C4orf50: variants seen among roughly 807,000 people sequenced by gnomAD.
The protein encoded by C4orf50 is chromosome 4 open reading frame 50, also known as uncharacterized protein C4orf50.
C4orf50 carries 80 observed loss-of-function variants against 77.2 expected under a neutral mutation model. That is an observed-to-expected ratio of 1.04 (90% CI 0.87 to 1.25). The LOEUF is 1.25. C4orf50 is among the 50% of genes most tolerant of loss of function. The pLI is 0.00. For missense variants in C4orf50, 1,257 were observed against 1,152.9 expected, an observed-to-expected ratio of 1.09 and a Z score of -1.31; for synonymous variants, 532 against 465.3, an observed-to-expected ratio of 1.14 and a Z score of -1.84.
At chr4:5,936,758 T>C (rs1275978858) in intron 7 of C4orf50, among the ~76,000 whole-genome samples, 22 of 151,910 alleles carry the variant, frequency 1.4e-4, no homozygotes, top group Admixed American at 1.4e-3. Flanking sequence ...AAGATACAAA[T>C]TCTCAGATTC....
intron 25 of C4orf50, among the ~76,000 whole-genome samples, chr4:6,002,730 G>A (rs1354877242): frequency 2.6e-5 from 4 of 152,174 alleles, no homozygotes; most frequent in Non-Finnish European, 4.4e-5. Flanking sequence ...CTTGGAGGGC[G>A]GCTCTCAGCT....
rs1224063942 is a variant in C4orf50, at chr4:6,017,251, C to T, written c.287+894G>A. Among the ~76,000 whole-genome samples the T allele has an allele frequency of 6.6e-6, 1 of 152,212 alleles. No homozygotes were observed. Among genetic ancestry groups the T allele is most frequent in the Non-Finnish European group, 1.5e-5 (1 of 68,032 alleles). ...GCCTGGATTAGCAACTGCCGGAAGCCACTTCTGCCCCTGGGGCTGGACAGC... is the reference window on the plus strand; with the variant it reads ...GCCTGGATTAGCAACTGCCGGAAGCTACTTCTGCCCCTGGGGCTGGACAGC... On this transcript the variant is annotated intron_variant, in intron 23 of 33. Transcript: ENST00000531445. This position sits in a 1 kb window ranked among gnomAD's most constrained non-coding sequence, Gnocchi z 4.7.
In C4orf50 at chr4:5,992,792, T is replaced by C; in HGVS notation, c.1221+11A>G. ...GCACTGCACACACACGCAGAAAGCC[T>C]CTGGCCTCACCTGTTCACGGTTGGA... On this transcript the variant is annotated intron_variant, in intron 27 of 33. Coordinates refer to ENST00000531445, the Ensembl canonical transcript of C4orf50. The surrounding 1 kb of genome is among the most constrained non-coding windows in gnomAD (Gnocchi z 5.0). The C allele has an allele frequency of 2.5e-6, 1 of 399,064 alleles. No homozygotes were observed. Among genetic ancestry groups the C allele is most frequent in the Non-Finnish European group, 4.4e-6 (1 of 226,138 alleles). 24.7% of individuals were successfully genotyped at this position (399,064 alleles called of 1,614,324 possible).
chr4:5,923,965 C>G (rs1002267880), intron 7 of C4orf50, among the ~76,000 whole-genome samples: 2 of 152,132 alleles, frequency 1.3e-5, no homozygotes, highest in African/African-American at 2.4e-5. Context: ...AGTCTTCCAG[C>G]CTTCATCTTT....
intron 7 of C4orf50, among the ~76,000 whole-genome samples, chr4:5,941,068 T>C (rs577296172): frequency 2.3e-4 from 35 of 152,312 alleles, no homozygotes; most frequent in African/African-American, 8.4e-4. Flanking sequence ...TATAAAATGG[T>C]TGTGACTTTA....
chr4:5,933,173 C>T (rs1717841829), intron 7 of C4orf50, among the ~76,000 whole-genome samples: 1 of 152,190 alleles, frequency 6.6e-6, no homozygotes, highest in African/African-American at 2.4e-5. Context: ...CTGCCCTCGT[C>T]TCTCACAGAG....
At position 5,992,865 on chromosome 4, in the gene C4orf50, C is replaced by T; in HGVS notation, c.1159G>A (p.Ala387Thr). 1 of 399,082 alleles carries T rather than the reference C, an allele frequency of 2.5e-6. No homozygotes were observed. Among genetic ancestry groups the T allele is most frequent in the Non-Finnish European group, 4.4e-6 (1 of 226,130 alleles). The allele number at this position is 399,082 out of a possible 1,614,324, so 24.7% of individuals were successfully genotyped here. A position where few individuals can be genotyped will look rare whatever the true frequency, so the allele number is the denominator to read the frequency against. ...TCGCTTGTGGTCTCCGGGCCTGGAGCCAAAACAGAAGAGGCCCGTCCAGGC... is the reference window on the plus strand; with the variant it reads ...TCGCTTGTGGTCTCCGGGCCTGGAGTCAAAACAGAAGAGGCCCGTCCAGGC... The change falls in exon 27 of 34, where the codon GCT becomes ACT. Residue 387 changes from alanine (A) to threonine (T), a missense_variant. Physicochemically the swap from Ala to Thr is moderately conservative, Grantham distance 58 (BLOSUM62 0). Transcript: ENST00000531445. The surrounding 1 kb of genome is among the most constrained non-coding windows in gnomAD (Gnocchi z 5.0).
At chr4:5,947,643 C>T (rs1197445026) in intron 7 of C4orf50, among the ~76,000 whole-genome samples, 4 of 152,036 alleles carry the variant, frequency 2.6e-5, no homozygotes, top group East Asian at 2.0e-4. Flanking sequence ...CCCCGAGGGC[C>T]TCCCACACTC....
At position 5,932,244 on chromosome 4, in the gene C4orf50, T is replaced by C. The variant is rs898154459; in HGVS notation, c.*2474+24657A>G. ...CCCCACAGAGCAGAAGCGTGTCGCA[T>C]TTCTACTCTGGCACACTCTTTCCTT... On this transcript the variant is annotated intron_variant, in intron 7 of 7. Transcript: ENST00000324058. This position sits in a 1 kb window ranked among gnomAD's most constrained non-coding sequence, Gnocchi z 4.2. Among the ~76,000 whole-genome samples the C allele has an allele frequency of 2.6e-5, 4 of 152,166 alleles. No homozygotes were observed. Among genetic ancestry groups the C allele is most frequent in the African/African-American group, 7.2e-5 (3 of 41,524 alleles).
rs554296018 is a variant in C4orf50 at position 6,001,252 on chromosome 4, C to T, written c.963+6744G>A. Among the ~76,000 whole-genome samples, 9 of 152,286 alleles carry T rather than the reference C, an allele frequency of 5.9e-5. No individual in the cohort carries two copies. In the South Asian group the frequency reaches 6.2e-4, roughly 11 times the overall value. On this transcript the variant is annotated intron_variant, in intron 25 of 33. Coordinates refer to ENST00000531445, the Ensembl canonical transcript of C4orf50. ...CAACCTCTGCCCCCAAGAGTTCAAG[C>T]GATTCTCCTGCCTCAGCCTCCCGAG...
intron 7 of C4orf50, chr4:5,903,228 GAT>G (rs34112207): frequency 0.39 from 58,638 of 151,936 alleles, 14,046 homozygotes; most frequent in East Asian, 0.73. Context: ...GATGCTGTCA[GAT>G]ACACTGATTT....
chr4:5,971,650 T>G (rs1387351140), intron 31 of C4orf50, among the ~76,000 whole-genome samples: 1 of 152,184 alleles, frequency 6.6e-6, no homozygotes, highest in Non-Finnish European at 1.5e-5. Context: ...GATGAAGAAA[T>G]GACTGAAAAA....
At chr4:5,961,681 C>A (rs1237874982) in intron 33 of C4orf50, among the ~76,000 whole-genome samples, 1 of 152,170 alleles carries the variant, frequency 6.6e-6, no homozygotes, top group Non-Finnish European at 1.5e-5. Flanking sequence ...GACAGCTGAA[C>A]CCAGGGATGT....
rs1198885017 is a variant in C4orf50 at position 6,017,781 on chromosome 4, T to C, written c.287+364A>G. On this transcript the variant is annotated intron_variant, in intron 23 of 33. Transcript: ENST00000531445. This position sits in a 1 kb window ranked among gnomAD's most constrained non-coding sequence, Gnocchi z 4.7. The stretch of plus-strand genomic sequence containing the variant: ...TTTGTCTGCCTCTGTCCTTGGTTTC[T>C]CAGTTCCTTCTACACTTCCCTGTCA... Among the ~76,000 whole-genome samples the C allele has an allele frequency of 6.6e-6, 1 of 152,222 alleles. No homozygotes were observed. The highest frequency in any genetic ancestry group is 1.5e-5 in the Non-Finnish European group (1 of 68,044).
chr4:5,973,549 G>T lies in C4orf50; in HGVS notation c.4104+110C>A. On this transcript the variant is annotated intron_variant, in intron 31 of 33. Coordinates refer to ENST00000531445, the Ensembl canonical transcript of C4orf50. ...GGGTGTCTTCTTGGGTAGTGTCCGC[G>T]GTGGGAGGGAGGGAGGAAAGGAGGG... 2.2e-6 allele frequency: 2 copies of T among 915,916 alleles called. 1 individual carries two copies. The highest frequency in any genetic ancestry group is 3.2e-5 in the South Asian group (2 of 63,340). The allele number at this position is 915,916 out of a possible 1,614,324, so 56.7% of individuals were successfully genotyped here.
intron 27 of C4orf50, among the ~76,000 whole-genome samples, chr4:5,991,796 G>A (rs903042830): frequency 1.3e-5 from 2 of 152,186 alleles, no homozygotes; most frequent in Non-Finnish European, 2.9e-5. Flanking sequence ...ACCAGCAGCA[G>A]AGCCCCCTCA....
At chr4:5,940,522 C>T (rs1482719987) in intron 7 of C4orf50, among the ~76,000 whole-genome samples, 2 of 152,174 alleles carry the variant, frequency 1.3e-5, no homozygotes, top group Non-Finnish European at 2.9e-5. Context: ...ATGTGGATAA[C>T]ATCTGTGGAA....
chr4:6,007,157 T>C lies in C4orf50; in HGVS notation c.963+839A>G, dbSNP rs185650111. On this transcript the variant is annotated intron_variant, in intron 25 of 33. Coordinates refer to ENST00000531445, the Ensembl canonical transcript of C4orf50. This position sits in a 1 kb window ranked among gnomAD's most constrained non-coding sequence, Gnocchi z 4.1. ...GCTGCCTGACCAGTGGCCAGAGGGG[T>C]AGATAGATGAACACATGGTGTGGTG... 2.7e-4 allele frequency among the ~76,000 whole-genome samples: 41 copies of C among 151,592 alleles called. No homozygotes were observed. The highest frequency in any genetic ancestry group is 9.0e-4 in the African/African-American group (37 of 41,272).
chr4:5,975,856 G>C (rs1720246758), intron 30 of C4orf50, 43 bp downstream of exon 8: 1 of 1,424,924 alleles, frequency 7.0e-7, no homozygotes, highest in East Asian at 2.3e-5. Flanking sequence ...ACTCTCTTTT[G>C]TTTTGAAAGA....
Sources: gnomAD v4.1 joint callset for allele counts (sites outside exome capture counted in the v4.1 genomes callset) on GRCh38, gnomAD v4.1.1 for gene constraint, Gnocchi (gnomAD v3.1) non-coding constraint, MANE v1.5 for transcripts, NCBI Gene and HGNC (gene_info 2026-07-23, HGNC 2026-07-21) for gene names.